ARHGEF2: variants seen among roughly 807,000 people sequenced by gnomAD.
The protein encoded by ARHGEF2 is Rho/Rac guanine nucleotide exchange factor 2, also known as rho guanine nucleotide exchange factor 2.
A neutral mutation model predicts 121.0 loss-of-function variants in ARHGEF2; 22 were observed. The ratio of observed to expected loss-of-function variants is 0.18; its 90% CI spans 0.13 to 0.26. The LOEUF is 0.26. ARHGEF2 is among the 10% of genes least tolerant of loss of function. The probability of loss-of-function intolerance (pLI) is 1.00; values close to 1 mark genes in which losing one functional copy is unlikely to be tolerated. For synonymous variants in ARHGEF2, 487 were observed against 530.0 expected (o/e 0.92, Z 1.11); for missense variants, 907 against 1,336.0 (o/e 0.68, Z 5.01).
In ARHGEF2 at chr1:155,965,167, G is replaced by C; in HGVS notation, c.581-36C>G. 1 of 1,611,646 alleles carries C rather than the reference G, an allele frequency of 6.2e-7. No homozygotes were observed. The highest frequency in any genetic ancestry group is 8.5e-7 in the Non-Finnish European group (1 of 1,178,218). On this transcript the variant is annotated intron_variant, in intron 6 of 21. Transcript: ENST00000361247. The surrounding 1 kb of genome is among the most constrained non-coding windows in gnomAD (Gnocchi z 6.0). ...GCAGGGCAAGCAACTCAGAGGTCTT[G>C]AGTTCCCTTCCCTGGGTCCCTGGCC... is the stretch of plus-strand genomic sequence containing the variant.
chr1:155,955,341 TCTCAAACTCCTGAC>T (rs1676439036), intron 13 of ARHGEF2, among the ~76,000 whole-genome samples: 1 of 151,942 alleles, frequency 6.6e-6, no homozygotes, highest in Admixed American at 6.6e-5. Flanking sequence ...GCCAGGCTGG[TCTCAAACTCCTGAC>T]CTCAGGTGAT....
intron 1 of ARHGEF2, among the ~76,000 whole-genome samples, chr1:155,973,130 T>G (rs1680748736): frequency 6.6e-6 from 1 of 152,020 alleles, no homozygotes. Flanking sequence ...CAATACCTGG[T>G]ATACAATAGG....
At chr1:155,979,380 C>T (rs1681910715), upstream of ARHGEF2, 1 of 960,986 alleles carries the variant, frequency 1.0e-6, no homozygotes, top group South Asian at 4.8e-5. Context: ...GCCCAACCAG[C>T]CTCTCCCCAA....
At position 155,962,174 on chromosome 1, in the gene ARHGEF2, T is replaced by G; in HGVS notation, c.1150A>C (p.Ile384Leu). 2 of 1,614,150 alleles carry G rather than the reference T, an allele frequency of 1.2e-6. No individual in the cohort carries two copies. The highest frequency in any genetic ancestry group is 1.3e-5 in the African/African-American group (1 of 75,038). The change falls in exon 10 of 22, where the codon ATC (isoleucine) becomes CTC (leucine). Residue 384 changes from isoleucine (I) to leucine (L), a missense_variant. By Grantham distance (5) the Ile-to-Leu change is conservative. Transcript: ENST00000361247. This position sits in a 1 kb window ranked among gnomAD's most constrained non-coding sequence, Gnocchi z 5.8. The part of the protein sequence containing the change: ...VLKRHGVQEC[I>L]LLVTQRITKY... Reference sequence around the variant, plus strand: ...GTGATGCGCTGAGTCACCAGCAGGATGCACTCCTGTACCCCGTGCCGCTTG... The same window carrying G: ...GTGATGCGCTGAGTCACCAGCAGGAGGCACTCCTGTACCCCGTGCCGCTTG...
chr1:155,966,719 G>A (rs1484984393), intron 3 of ARHGEF2, 101 bp downstream of exon 3: 22 of 1,320,768 alleles, frequency 1.7e-5, no homozygotes, highest in Non-Finnish European at 2.4e-5. Context: ...TGAGGAGGTG[G>A]GTGGTGAGAA....
chr1:155,955,215 C>T (rs547106505), intron 13 of ARHGEF2, among the ~76,000 whole-genome samples: 9 of 152,126 alleles, frequency 5.9e-5, no homozygotes, highest in South Asian at 4.2e-4. Flanking sequence ...ACAACCTCCT[C>T]CTGGGTTCAA....
In ARHGEF2 at chr1:155,978,531, G is replaced by A; in HGVS notation, c.-104C>T. The A allele has an allele frequency of 7.8e-7, 1 of 1,286,316 alleles. No individual in the cohort carries two copies. The highest frequency in any genetic ancestry group is 2.4e-5 in the South Asian group (1 of 42,544). 79.7% of individuals were successfully genotyped at this position (1,286,316 alleles called of 1,614,324 possible). A position where few individuals can be genotyped will look rare whatever the true frequency, so the allele number is the denominator to read the frequency against. ...TCGGCCCGCACGCGTTGGTCTCGGG[G>A]ACAGGAAGTCTGACTCCCCTCGCCC... On this transcript the variant is annotated 5_prime_UTR_variant, in exon 1 of 22. Coordinates refer to ENST00000361247, the MANE Select transcript of ARHGEF2 (RefSeq NM_001162383.2). The surrounding 1 kb of genome is among the most constrained non-coding windows in gnomAD (Gnocchi z 4.1).
At position 155,965,736 on chromosome 1, in the gene ARHGEF2, G is replaced by T; in HGVS notation, c.365C>A (p.Ser122Ter). The stretch of plus-strand genomic sequence containing the variant: ...GAAGCTGTCGGAGGGGTAGATGGCC[G>T]AGCTTGGCCGCTCCCGGATGGTTGC... ...SKTTIRERPS[S>*]AIYPSDSFRQ... is the part of the protein sequence containing the mutation. The change falls in exon 5 of 22, where the codon TCG (serine) becomes TAG (stop). Residue 122 changes from serine (S) to a stop codon, truncating the protein, a stop_gained. Coordinates refer to ENST00000361247, the MANE Select transcript of ARHGEF2 (RefSeq NM_001162383.2). LOFTEE classifies it high-confidence loss of function. This position sits in a 1 kb window ranked among gnomAD's most constrained non-coding sequence, Gnocchi z 6.0. The T allele has an allele frequency of 6.2e-7, 1 of 1,600,384 alleles. No individual in the cohort carries two copies. The highest frequency in any genetic ancestry group is 1.1e-5 in the South Asian group (1 of 89,480).
intron 1 of ARHGEF2, among the ~76,000 whole-genome samples, chr1:155,975,489 C>T (rs1045691694): frequency 1.3e-4 from 20 of 152,180 alleles, no homozygotes; most frequent in Admixed American, 5.2e-4. Context: ...CCCTCCCCCT[C>T]AACTCTCTCC....
chr1:155,970,834 C>G (rs1680319294), intron 1 of ARHGEF2: 1 of 986,352 alleles, frequency 1.0e-6, no homozygotes, highest in African/African-American at 1.7e-5. Context: ...TCTTTCCTGC[C>G]TCTCTTCCCA....
At position 155,962,056 on chromosome 1, in the gene ARHGEF2, C is replaced by G. The variant is rs756689960; in HGVS notation, c.1219+49G>C. 6.2e-7 allele frequency: 1 copy of G among 1,609,964 alleles called. No individual in the cohort carries two copies. On this transcript the variant is annotated intron_variant, in intron 10 of 21. Coordinates refer to ENST00000361247, the MANE Select transcript of ARHGEF2 (RefSeq NM_001162383.2). The surrounding 1 kb of genome is among the most constrained non-coding windows in gnomAD (Gnocchi z 5.8). Reference sequence around the variant, plus strand: ...TGTGGTCATACCGAGCCTTTCCTCACCCCAGGTGGCCGTCTCCCAGTGGCC... The same window carrying G: ...TGTGGTCATACCGAGCCTTTCCTCAGCCCAGGTGGCCGTCTCCCAGTGGCC...
chr1:155,947,842 C>A lies in ARHGEF2; in HGVS notation c.*100G>T. ...GAGCTGGCAAGGACAATTTGCAGTT[C>A]TTTCAAATGTTCCCTCATCATTGGC... On this transcript the variant is annotated 3_prime_UTR_variant, in exon 22 of 22. Transcript: ENST00000361247. 2 of 681,382 alleles carry A rather than the reference C, an allele frequency of 2.9e-6. No individual in the cohort carries two copies. The highest frequency in any genetic ancestry group is 4.0e-5 in the South Asian group (2 of 49,668). 42.2% of individuals were successfully genotyped at this position (681,382 alleles called of 1,614,324 possible). A position where few individuals can be genotyped will look rare whatever the true frequency, so the allele number is the denominator to read the frequency against.
chr1:155,952,487 G>A, intron 15 of ARHGEF2, 141 bp downstream of exon 15: 1 of 1,061,340 alleles, frequency 9.4e-7, no homozygotes. Context: ...CCAGGAACTG[G>A]CCCAGAAGAG....
Position 155,969,372 on chromosome 1 carries a change from G to A in ARHGEF2, c.64-72C>T, listed in dbSNP as rs1180140007. ...GGGTGCCTGGAGTCCAGAGAGACAG[G>A]CTGGGGGCAGAGGCAAGGAAAAAAT... On this transcript the variant is annotated intron_variant, in intron 1 of 21. Transcript: ENST00000361247. 3.1e-6 allele frequency: 5 copies of A among 1,591,966 alleles called. No homozygotes were observed. The African/African-American group carries it at 6.7e-5, about 21-fold the overall frequency.
chr1:155,963,222 T>G, intron 7 of ARHGEF2, 39 bp from the exon 8 acceptor site: 1 of 1,592,638 alleles, frequency 6.3e-7, no homozygotes, highest in Non-Finnish European at 8.5e-7. Flanking sequence ...CTACCCTGGC[T>G]TGGCTAAAAC....
chr1:155,977,794 G>C (rs1004770437), intron 1 of ARHGEF2, among the ~76,000 whole-genome samples: 1 of 152,156 alleles, frequency 6.6e-6, no homozygotes, highest in Admixed American at 6.5e-5. Flanking sequence ...CTGAATCACA[G>C]CTGGAAAGTC....
chr1:155,978,634 A>C (rs1572221946), upstream of ARHGEF2: 8 of 1,215,728 alleles, frequency 6.6e-6, no homozygotes, highest in Non-Finnish European at 6.2e-6. This position sits in a 1 kb window ranked among gnomAD's most constrained non-coding sequence, Gnocchi z 4.1. Context: ...GAGCGGAGGG[A>C]GGGCGGGGTG....
Position 155,962,921 on chromosome 1 carries a change from G to C in ARHGEF2, c.975+12C>G. ...TCCATGAATGTCACCCAGGGGTCCT[G>C]CCTTTTCCCACCTGGCTGATGAGCA... On this transcript the variant is annotated intron_variant, in intron 8 of 21. Coordinates refer to ENST00000361247, the MANE Select transcript of ARHGEF2 (RefSeq NM_001162383.2). The surrounding 1 kb of genome is among the most constrained non-coding windows in gnomAD (Gnocchi z 5.8). 1 of 1,614,026 alleles carries C rather than the reference G, an allele frequency of 6.2e-7. No individual in the cohort carries two copies.
chr1:155,978,420 C>T lies in ARHGEF2; in HGVS notation c.8G>A (p.Arg3Gln), dbSNP rs1681728039. Residue 3 changes from arginine (R) to glutamine (Q), a missense_variant, in exon 1 of 22, where the codon CGG becomes CAG. Physicochemically the swap from Arg to Gln is conservative, Grantham distance 43. This residue lies in a region of ARHGEF2 where 475 missense variants were observed against 776.5 expected (regional missense o/e 0.61). Coordinates refer to ENST00000361247, the MANE Select transcript of ARHGEF2 (RefSeq NM_001162383.2). The surrounding 1 kb of genome is among the most constrained non-coding windows in gnomAD (Gnocchi z 4.1). MS[R>Q]IESLTRARID... ...CCGCGCCCGCGTGAGGGATTCGATC[C>T]GAGACATAATCGGACGGGGGGACCA... The T allele has an allele frequency of 1.3e-6, 2 of 1,508,282 alleles. No homozygotes were observed. The highest frequency in any genetic ancestry group is 1.8e-6 in the Non-Finnish European group (2 of 1,117,188). 93.4% of individuals were successfully genotyped at this position (1,508,282 alleles called of 1,614,324 possible).
Sources: gnomAD v4.1 joint callset for allele counts (sites outside exome capture counted in the v4.1 genomes callset) on GRCh38, gnomAD v4.1.1 for gene constraint, gnomAD v4.1.1 regional missense constraint, Gnocchi (gnomAD v3.1) non-coding constraint, MANE v1.5 for transcripts, NCBI Gene and HGNC (gene_info 2026-07-23, HGNC 2026-07-21) for gene names.